The following SOCS2 variants were observed in gnomAD, a reference collection of about 807,000 sequenced individuals.
SOCS2 encodes the protein suppressor of cytokine signaling 2, also known as CIS-2.
In SOCS2, 10 loss-of-function variants were observed where a neutral mutation model predicts 18.6. That is an observed-to-expected ratio of 0.54 (90% CI 0.33 to 0.91). The LOEUF is 0.91. SOCS2 is among the 40% of genes least tolerant of loss of function. The pLI is 0.02. For missense variants in SOCS2, 231 were observed against 247.2 expected (o/e 0.93, Z 0.44); for synonymous variants, 104 against 104.0 (o/e 1.00, Z 0.00).
the SOCS2 span, among the ~76,000 whole-genome samples, chr12:93,595,260 AT>A: frequency 6.6e-6 from 1 of 152,198 alleles, no homozygotes. Context: ...TGCTTCACAT[AT>A]TTTAACTAAT....
upstream of SOCS2, chr12:93,570,765 G>A (rs1028598167): frequency 2.0e-5 from 3 of 152,608 alleles, no homozygotes; most frequent in Non-Finnish European, 4.4e-5. Flanking sequence ...TGGGGCCAGA[G>A]GCAGGCCGAC....
At chr12:93,605,952 A>G in the SOCS2 span, among the ~76,000 whole-genome samples, 1 of 152,246 alleles carries the variant, frequency 6.6e-6, no homozygotes. Flanking sequence ...ACCCAAAGTA[A>G]CAGCAGCTTA....
upstream of SOCS2, chr12:93,572,599 G>A (rs1278178125): frequency 4.9e-6 from 3 of 613,242 alleles, no homozygotes; most frequent in Non-Finnish European, 9.0e-6. This position sits in a 1 kb window ranked among gnomAD's most constrained non-coding sequence, Gnocchi z 5.0. Flanking sequence ...GGAGTCCCTG[G>A]GATTTTCCAC....
At chr12:93,603,126 T>A in the SOCS2 span, among the ~76,000 whole-genome samples, 1 of 152,162 alleles carries the variant, frequency 6.6e-6, no homozygotes, top group African/African-American at 2.4e-5. Flanking sequence ...TGCCTCCTAT[T>A]TTTAGTAGTT....
the SOCS2 span, among the ~76,000 whole-genome samples, chr12:93,624,822 T>C: frequency 1.3e-4 from 20 of 152,198 alleles, no homozygotes; most frequent in African/African-American, 4.6e-4. Flanking sequence ...TGGGCAAAGT[T>C]GTTTCTGATT....
At chr12:93,618,986 T>C in the SOCS2 span, among the ~76,000 whole-genome samples, 4 of 152,128 alleles carry the variant, frequency 2.6e-5, no homozygotes, top group Admixed American at 1.3e-4. Flanking sequence ...TGAGATGGCA[T>C]TCTTAAAGGA....
chr12:93,600,792 A>AT, the SOCS2 span, among the ~76,000 whole-genome samples: 2,519 of 138,480 alleles, frequency 0.018, 59 homozygotes, highest in African/African-American at 0.061. Context: ...TATTATTTTC[A>AT]TTTTTTTTTT....
the SOCS2 span, among the ~76,000 whole-genome samples, chr12:93,600,412 G>A: frequency 1.3e-5 from 2 of 152,056 alleles, no homozygotes; most frequent in East Asian, 3.9e-4. Context: ...GCTATCTAGT[G>A]TGGTGAGTGG....
chr12:93,578,904 C>T (rs1203524421), downstream of SOCS2, among the ~76,000 whole-genome samples: 1 of 152,210 alleles, frequency 6.6e-6, no homozygotes, highest in Admixed American at 6.5e-5. Context: ...AGAAGCCAGG[C>T]CTGTGGAATA....
downstream of SOCS2, among the ~76,000 whole-genome samples, chr12:93,581,419 T>C (rs189271805): frequency 7.7e-4 from 118 of 152,268 alleles, no homozygotes; most frequent in Non-Finnish European, 1.4e-3. Flanking sequence ...GAATGATTTT[T>C]TTTTTTTTTA....
intron 1 of SOCS2, chr12:93,582,891 A>C (rs1002445068): frequency 2.0e-5 from 3 of 151,968 alleles, no homozygotes; most frequent in Non-Finnish European, 4.4e-5. Flanking sequence ...GGCTCCACCT[A>C]TCAGTGGAGT....
At position 93,574,750 on chromosome 12, in the gene SOCS2, T is replaced by C; in HGVS notation, c.168T>C (p.Asn56=). The C allele has an allele frequency of 3.7e-6, 6 of 1,613,604 alleles. No homozygotes were observed. The highest frequency in any genetic ancestry group is 5.1e-6 in the Non-Finnish European group (6 of 1,179,780). ...TGWYWGSMTV[N]EAKEKLKEAP... ...GGTACTGGGGAAGTATGACTGTTAA[T>C]GAAGCCAAAGAGAAATTAAAAGAGG... is the stretch of plus-strand genomic sequence containing the variant. Residue 56 remains asparagine, a synonymous_variant, in exon 2 of 2, where the codon AAT becomes AAC. Transcript: ENST00000551556.
At chr12:93,623,078 C>T in the SOCS2 span, among the ~76,000 whole-genome samples, 1 of 152,160 alleles carries the variant, frequency 6.6e-6, no homozygotes, top group Non-Finnish European at 1.5e-5. Context: ...GGCTCTTTGT[C>T]CCCACCCAAG....
At chr12:93,571,541 TC>T, upstream of SOCS2, 1 of 166,726 alleles carries the variant, frequency 6.0e-6, no homozygotes. Flanking sequence ...CGCTCCTTCC[TC>T]CCTCCCTCCC....
At chr12:93,573,433 C>T (rs1019993204) in intron 1 of SOCS2, 5 of 391,790 alleles carry the variant, frequency 1.3e-5, no homozygotes, top group African/African-American at 1.0e-4. Flanking sequence ...CAGCATCTGG[C>T]TCCCGGGCGG....
chr12:93,625,619 G>A, the SOCS2 span, among the ~76,000 whole-genome samples: 9 of 151,876 alleles, frequency 5.9e-5, no homozygotes, highest in Admixed American at 3.3e-4. Context: ...GTGGTGGCAC[G>A]TGCCTGTAAT....
At chr12:93,605,146 T>C in the SOCS2 span, among the ~76,000 whole-genome samples, 1 of 152,136 alleles carries the variant, frequency 6.6e-6, no homozygotes, top group African/African-American at 2.4e-5. Context: ...GTATTTCAAA[T>C]ATACAAAAAG....
chr12:93,599,519 G>T, the SOCS2 span, among the ~76,000 whole-genome samples: 1 of 152,072 alleles, frequency 6.6e-6, no homozygotes, highest in African/African-American at 2.4e-5. Flanking sequence ...ACAATCCTTC[G>T]TTGGATTTTA....
At chr12:93,613,103 A>C in the SOCS2 span, among the ~76,000 whole-genome samples, 2 of 152,212 alleles carry the variant, frequency 1.3e-5, no homozygotes, top group African/African-American at 2.4e-5. Flanking sequence ...GGAGCCCTGC[A>C]AGAAAGGGCA....
Sources: gnomAD v4.1 joint callset for allele counts (sites outside exome capture counted in the v4.1 genomes callset) on GRCh38, gnomAD v4.1.1 for gene constraint, Gnocchi (gnomAD v3.1) non-coding constraint, MANE v1.5 for transcripts, NCBI Gene and HGNC (gene_info 2026-07-23, HGNC 2026-07-21) for gene names.